Variants in GALK2 observed in about 807,000 individuals in gnomAD.
The protein encoded by GALK2 is galactokinase 2, also known as N-acetylgalactosamine kinase.
GALK2 carries 36 observed loss-of-function variants against 52.4 expected under a neutral mutation model. That is an observed-to-expected ratio of 0.69 (90% confidence interval 0.53 to 0.91). GALK2 has a LOEUF of 0.91. Ranked by LOEUF, GALK2 falls within the 40% of genes least tolerant of loss-of-function variation. The probability of loss-of-function intolerance (pLI) is 0.00; values close to 1 mark genes in which losing one functional copy is unlikely to be tolerated. For missense variants in GALK2, 579 were observed against 559.1 expected (o/e 1.04, Z -0.36); for synonymous variants, 176 against 199.1 (o/e 0.88, Z 0.98).
intron 2 of GALK2, among the ~76,000 whole-genome samples, chr15:49,214,107 A>G (rs2089173122): frequency 6.6e-6 from 1 of 152,032 alleles, no homozygotes. Flanking sequence ...GCGACCGAGC[A>G]AGAGTCTGTC....
chr15:49,335,279 A>T, downstream of GALK2: 2 of 593,140 alleles, frequency 3.4e-6, no homozygotes. Context: ...CACTTACCTG[A>T]AAAGAATCTC....
At chr15:49,281,047 G>A (rs188485622) in intron 5 of GALK2, among the ~76,000 whole-genome samples, 1 of 152,278 alleles carries the variant, frequency 6.6e-6, no homozygotes, top group Non-Finnish European at 1.5e-5. Flanking sequence ...ATGTTGGCCA[G>A]GATGGTCTTG....
chr15:49,363,794 G>C (rs1375662509), intron 3 of GALK2, among the ~76,000 whole-genome samples: 2 of 152,064 alleles, frequency 1.3e-5, no homozygotes, highest in African/African-American at 4.8e-5. Context: ...TTCCTTCAAT[G>C]TCTAGTTTGT....
intron 3 of GALK2, among the ~76,000 whole-genome samples, chr15:49,360,665 T>G (rs1305654097): frequency 6.6e-6 from 1 of 152,176 alleles, no homozygotes; most frequent in Non-Finnish European, 1.5e-5. Flanking sequence ...CTCTAAATCC[T>G]AGACATCAAA....
chr15:49,280,431 G>A (rs946096215), intron 5 of GALK2, among the ~76,000 whole-genome samples: 4 of 152,174 alleles, frequency 2.6e-5, no homozygotes, highest in Non-Finnish European at 5.9e-5. Context: ...ATGTGAAAGA[G>A]CCTGCGGTAG....
intron 1 of GALK2, among the ~76,000 whole-genome samples, chr15:49,188,238 G>C (rs1234604957): frequency 1.3e-5 from 2 of 152,198 alleles, no homozygotes; most frequent in African/African-American, 4.8e-5. Flanking sequence ...GTGCCTTTCA[G>C]ATTTGTTTAG....
chr15:49,281,927 G>T, intron 5 of GALK2, 60 bp from the exon 6 acceptor site: 1 of 1,244,788 alleles, frequency 8.0e-7, no homozygotes. Context: ...CCTGTAGTAA[G>T]AAATGAATGA....
intron 5 of GALK2, among the ~76,000 whole-genome samples, chr15:49,244,258 A>G (rs76056671): frequency 6.6e-6 from 1 of 151,436 alleles, no homozygotes; most frequent in African/African-American, 2.4e-5. Context: ...TTTTTTTTTT[A>G]AAATAATATT....
intron 1 of GALK2, among the ~76,000 whole-genome samples, chr15:49,193,351 T>C (rs1452572219): frequency 6.6e-6 from 1 of 152,014 alleles, no homozygotes. Context: ...TTTCACATGG[T>C]TTTTAAGAGG....
intron 5 of GALK2, among the ~76,000 whole-genome samples, chr15:49,280,113 T>C (rs1013693205): frequency 6.6e-6 from 1 of 152,096 alleles, no homozygotes; most frequent in African/African-American, 2.4e-5. Context: ...CACCATACTT[T>C]ATTCATCTCT....
At chr15:49,242,404 G>T (rs1328353519) in intron 5 of GALK2, among the ~76,000 whole-genome samples, 1 of 152,164 alleles carries the variant, frequency 6.6e-6, no homozygotes, top group Non-Finnish European at 1.5e-5. Flanking sequence ...GGTGAAAATG[G>T]CAATGAGTGG....
chr15:49,220,053 C>G lies in GALK2; in HGVS notation c.266+2740C>G, dbSNP rs114848273. On this transcript the variant is annotated intron_variant, in intron 3 of 9. Transcript: ENST00000560031. ...CCTATTTTTGAGTTTCTTATAGATA[C>G]AAGTCTTTTTTTTTTTTTTTTTTTT... Among the ~76,000 whole-genome samples, 1,126 of 117,310 alleles carry G rather than the reference C, an allele frequency of 9.6e-3. 16 individuals carry two copies. The highest frequency in any genetic ancestry group is 0.031 in the African/African-American group (1,080 of 34,302). The allele number at this position is 117,310 out of a possible 152,430, so 77.0% of individuals were successfully genotyped here.
intron 1 of GALK2, among the ~76,000 whole-genome samples, chr15:49,196,980 C>T (rs549139764): frequency 6.6e-5 from 10 of 152,306 alleles, no homozygotes; most frequent in South Asian, 2.1e-4. Context: ...TGTAGTTCTG[C>T]TGAGGCTGAG....
At chr15:49,311,537 G>A (rs981366538) in intron 8 of GALK2, among the ~76,000 whole-genome samples, 11 of 152,108 alleles carry the variant, frequency 7.2e-5, no homozygotes, top group African/African-American at 1.7e-4. Flanking sequence ...TGCTCTTAAC[G>A]TTCTTTCTGC....
At chr15:49,198,160 C>T (rs2141290841) in intron 1 of GALK2, among the ~76,000 whole-genome samples, 1 of 152,244 alleles carries the variant, frequency 6.6e-6, no homozygotes, top group Admixed American at 6.5e-5. Context: ...TCTCTCATTG[C>T]TTGTGATGTA....
chr15:49,353,442 A>T (rs1045377496), intron 3 of GALK2: 7 of 152,136 alleles, frequency 4.6e-5, no homozygotes, highest in African/African-American at 1.4e-4. Flanking sequence ...GAAGTCTTTT[A>T]TCTCTACGTT....
chr15:49,219,262 T>C (rs1472297355), intron 3 of GALK2, among the ~76,000 whole-genome samples: 1 of 152,200 alleles, frequency 6.6e-6, no homozygotes, highest in East Asian at 1.9e-4. Flanking sequence ...TTTCCCATGC[T>C]GTTCTTGTGA....
intron 8 of GALK2, among the ~76,000 whole-genome samples, chr15:49,299,768 TTTC>T (rs2034910090): frequency 1.0e-4 from 13 of 130,132 alleles, no homozygotes; most frequent in East Asian, 2.0e-4. Flanking sequence ...TCTTTCTTTC[TTTC>T]TTTCTTTCTT....
intron 2 of GALK2, among the ~76,000 whole-genome samples, chr15:49,216,145 T>A (rs2089350763): frequency 6.6e-6 from 1 of 152,220 alleles, no homozygotes; most frequent in Admixed American, 6.5e-5. Context: ...CTTCCATGGC[T>A]TCCACAGCTG....
Sources: allele counts gnomAD v4.1 joint callset (sites outside exome capture counted in the v4.1 genomes callset), GRCh38; gene constraint gnomAD v4.1.1; transcripts MANE v1.5; gene names NCBI Gene and HGNC (gene_info 2026-07-23, HGNC 2026-07-21).